The following RASGRF2 variants were observed in gnomAD, a reference collection of about 807,000 sequenced individuals.
RASGRF2 encodes the protein Ras protein specific guanine nucleotide releasing factor 2.
Under a neutral mutation model 151.0 loss-of-function variants are expected in RASGRF2, and 76 were observed. That is an observed-to-expected ratio of 0.50 (90% CI 0.42 to 0.61). The LOEUF (loss-of-function observed/expected upper bound fraction) is 0.61. Among genes scored for constraint, RASGRF2 ranks in the 20% least tolerant of loss-of-function variants. The probability of loss-of-function intolerance (pLI) is 0.00; values close to 1 mark genes in which losing one functional copy is unlikely to be tolerated. For missense variants in RASGRF2, 1,148 were observed against 1,564.6 expected (o/e 0.73, Z 4.49); for synonymous variants, 504 against 566.5 (o/e 0.89, Z 1.57).
At chr5:81,137,642 G>C (rs1310735918) in intron 17 of RASGRF2, among the ~76,000 whole-genome samples, 1 of 152,160 alleles carries the variant, frequency 6.6e-6, no homozygotes, top group African/African-American at 2.4e-5. Context: ...AGGCTATTAG[G>C]ACATACACAT....
intron 1 of RASGRF2, chr5:80,997,968 CAAA>C (rs11386410): frequency 4.8e-4 from 62 of 127,888 alleles, no homozygotes; most frequent in Non-Finnish European, 5.5e-4. Context: ...GACTCCGTCT[CAAA>C]AAAAAAAAAA....
chr5:81,083,029 T>C (rs563176316), intron 7 of RASGRF2, among the ~76,000 whole-genome samples: 1 of 152,292 alleles, frequency 6.6e-6, no homozygotes, highest in East Asian at 1.9e-4. Context: ...TAGAAAACAC[T>C]TGGGGGAAAT....
intron 1 of RASGRF2, among the ~76,000 whole-genome samples, chr5:81,032,989 C>T (rs1458434556): frequency 6.6e-6 from 1 of 152,096 alleles, no homozygotes; most frequent in East Asian, 1.9e-4. Flanking sequence ...CACAAGCATT[C>T]CTATACACCA....
intron 4 of RASGRF2, among the ~76,000 whole-genome samples, chr5:81,072,417 G>C (rs1197646638): frequency 1.3e-5 from 2 of 152,134 alleles, no homozygotes; most frequent in Non-Finnish European, 2.9e-5. Flanking sequence ...TTAGAACATA[G>C]TGTGGAAAAA....
intron 17 of RASGRF2, among the ~76,000 whole-genome samples, chr5:81,138,909 T>C (rs1240221278): frequency 6.6e-6 from 1 of 152,190 alleles, no homozygotes; most frequent in Non-Finnish European, 1.5e-5. Context: ...GTTCTTTATG[T>C]GTCAGAGCTG....
chr5:81,094,419 C>T (rs1182056829), intron 11 of RASGRF2, 57 bp downstream of exon 11: 3 of 1,500,716 alleles, frequency 2.0e-6, no homozygotes, highest in Admixed American at 3.7e-5. Flanking sequence ...GAGAGAGAGG[C>T]TGAGGATAAA....
intron 2 of RASGRF2, among the ~76,000 whole-genome samples, chr5:81,054,114 A>G (rs1481718158): frequency 1.3e-5 from 2 of 152,210 alleles, no homozygotes; most frequent in African/African-American, 4.8e-5. Flanking sequence ...TGCTGTGCAG[A>G]AGCTCTTGAG....
intron 17 of RASGRF2, among the ~76,000 whole-genome samples, chr5:81,174,511 T>C (rs1226743931): frequency 6.6e-6 from 1 of 152,130 alleles, no homozygotes; most frequent in East Asian, 1.9e-4. Flanking sequence ...AAGAGAGTGT[T>C]TGGCGACAGA....
At chr5:81,016,817 A>G (rs1339693071) in intron 1 of RASGRF2, among the ~76,000 whole-genome samples, 1 of 152,116 alleles carries the variant, frequency 6.6e-6, no homozygotes, top group Non-Finnish European at 1.5e-5. Context: ...GTTGTCTTCT[A>G]TTGGGATAAA....
intron 25 of RASGRF2, among the ~76,000 whole-genome samples, chr5:81,219,443 G>T (rs953316189): frequency 4.0e-5 from 6 of 151,856 alleles, no homozygotes; most frequent in African/African-American, 1.4e-4. Context: ...AGCACCCAGA[G>T]CTTGCCTCTC....
chr5:81,075,528 C>A (rs1229581760), intron 5 of RASGRF2, among the ~76,000 whole-genome samples: 2 of 152,128 alleles, frequency 1.3e-5, no homozygotes, highest in African/African-American at 4.8e-5. Flanking sequence ...TTGTTGCTTA[C>A]TTATCCATCA....
At chr5:81,156,969 C>T (rs1003082578) in intron 17 of RASGRF2, among the ~76,000 whole-genome samples, 4 of 152,014 alleles carry the variant, frequency 2.6e-5, no homozygotes, top group Admixed American at 6.5e-5. Flanking sequence ...GTGCAACAAA[C>T]GAAGGATACA....
intron 16 of RASGRF2, 37 bp downstream of exon 16, chr5:81,123,804 A>G (rs770074892): frequency 1.3e-6 from 2 of 1,581,816 alleles, no homozygotes; most frequent in Admixed American, 3.6e-5. Flanking sequence ...TAGAAACGTG[A>G]AAAATGATTT....
At chr5:81,185,742 C>G (rs1218222797) in intron 18 of RASGRF2, among the ~76,000 whole-genome samples, 1 of 152,186 alleles carries the variant, frequency 6.6e-6, no homozygotes, top group Non-Finnish European at 1.5e-5. Flanking sequence ...GTGGTGGAGA[C>G]AGCAGAAAGG....
chr5:81,224,655 T>C (rs987789577), intron 26 of RASGRF2, among the ~76,000 whole-genome samples: 1 of 152,230 alleles, frequency 6.6e-6, no homozygotes, highest in Non-Finnish European at 1.5e-5. Flanking sequence ...AACAGATGAA[T>C]GGATAAACAA....
At chr5:81,058,934 G>A (rs1751321102) in intron 2 of RASGRF2, among the ~76,000 whole-genome samples, 1 of 152,064 alleles carries the variant, frequency 6.6e-6, no homozygotes, top group Admixed American at 6.5e-5. Context: ...TGAATCATTT[G>A]AACGACTATT....
rs1747752366 is a variant in RASGRF2, at chr5:80,967,248, C to T, written c.288+6222C>T. Among the ~76,000 whole-genome samples, 4 of 151,926 alleles carry T rather than the reference C, an allele frequency of 2.6e-5. No individual in the cohort carries two copies. In the South Asian group the frequency reaches 6.2e-4, roughly 24 times the overall value. On this transcript the variant is annotated intron_variant, in intron 1 of 26. Transcript: ENST00000265080. ...TACTAAAAATACAAAATTAGCCAGGCGTGGTGGAGCATGCCTGTAATCCCA... is the reference window on the plus strand; with the variant it reads ...TACTAAAAATACAAAATTAGCCAGGTGTGGTGGAGCATGCCTGTAATCCCA...
Position 80,960,682 on chromosome 5 carries a change from T to C in RASGRF2, c.-57T>C, listed in dbSNP as rs1029661061. On this transcript the variant is annotated 5_prime_UTR_variant, in exon 1 of 27. The change abolishes an upstream ATG in the 5' untranslated region. Transcript: ENST00000265080. The surrounding 1 kb of genome is among the most constrained non-coding windows in gnomAD (Gnocchi z 5.5). ...GCCCTCGAGGGAGCCAGCTGGGCCA[T>C]GGCCGCGAGGCAGGGGTGAGACCGG... The C allele has an allele frequency of 4.4e-6, 6 of 1,376,128 alleles. No homozygotes were observed. The highest frequency in any genetic ancestry group is 2.5e-4 in the Middle Eastern group (1 of 3,942). The allele number at this position is 1,376,128 out of a possible 1,614,324, so 85.2% of individuals were successfully genotyped here. A position where few individuals can be genotyped will look rare whatever the true frequency, so the allele number is the denominator to read the frequency against.
rs765269567 is a variant in RASGRF2 at position 81,207,344 on chromosome 5, C to T, written c.3066C>T (p.Pro1022=). 2 of 1,613,592 alleles carry T rather than the reference C, an allele frequency of 1.2e-6. No homozygotes were observed. The highest frequency in any genetic ancestry group is 1.7e-6 in the Non-Finnish European group (2 of 1,179,574). ...ACCATGTCATTTTCAGAAGCATTCC[C>T]TACGAGTGAGTGCCACCCCCCACAG... The part of the protein sequence containing the change: ...LLDHVIFRSI[P]YEEFLGQGWM... The change falls in exon 21 of 27, where the codon CCC becomes CCT. Residue 1022 remains proline, a synonymous_variant. Coordinates refer to ENST00000265080, the MANE Select transcript of RASGRF2 (RefSeq NM_006909.3).
Sources: allele counts gnomAD v4.1 joint callset (sites outside exome capture counted in the v4.1 genomes callset), GRCh38; gene constraint gnomAD v4.1.1; non-coding constraint Gnocchi (gnomAD v3.1); transcripts MANE v1.5; gene names NCBI Gene and HGNC (gene_info 2026-07-23, HGNC 2026-07-21).